OTOF: variants seen among roughly 807,000 people sequenced by gnomAD.
OTOF encodes otoferlin.
Under a neutral mutation model 236.8 loss-of-function variants are expected in OTOF, and 218 were observed. That is an observed-to-expected ratio of 0.92 (90% CI 0.82 to 1.03). The LOEUF (loss-of-function observed/expected upper bound fraction) is 1.03. Among genes scored for constraint, OTOF ranks in the 50% least tolerant of loss-of-function variants. The pLI is 0.00. For missense variants in OTOF, 2,590 were observed against 2,694.4 expected (o/e 0.96, Z 0.86); for synonymous variants, 1,041 against 1,072.5 (o/e 0.97, Z 0.57).
At chr2:26,485,938 C>T (rs113977604) in intron 11 of OTOF, among the ~76,000 whole-genome samples, 49 of 152,336 alleles carry the variant, frequency 3.2e-4, no homozygotes, top group African/African-American at 1.2e-3. Flanking sequence ...AGGGAGGGGC[C>T]ATGTCCCAGG....
chr2:26,466,786 G>A lies in OTOF; in HGVS notation c.4428C>T (p.Ser1476=), dbSNP rs1003565620. ...GGATGCCCTGGAACATGCCGTAGGT[G>A]GAGTCGTAGCCGGCTTCCCGGGACA... ...EDVSREAGYD[S]TYGMFQGIPS... is the part of the protein sequence containing the mutation. Residue 1476 remains serine, a synonymous_variant, in exon 36 of 47, where the codon TCC becomes TCT. Transcript: ENST00000272371. 6.2e-7 allele frequency: 1 copy of A among 1,614,116 alleles called. No homozygotes were observed. Among genetic ancestry groups the A allele is most frequent in the Non-Finnish European group, 8.5e-7 (1 of 1,180,042 alleles).
At position 26,526,417 on chromosome 2, in the gene OTOF, G is replaced by A. The variant is rs1351914142; in HGVS notation, c.227+1415C>T. Among the ~76,000 whole-genome samples the A allele has an allele frequency of 3.9e-5, 6 of 152,128 alleles. No homozygotes were observed. In the South Asian group the frequency reaches 6.2e-4, roughly 16 times the overall value. ...TGAAAGGATGGAAGGATGGATGAAA[G>A]AAAGGAAGGGTGGATAAATCAATTG... On this transcript the variant is annotated intron_variant, in intron 3 of 46. Coordinates refer to ENST00000272371, the MANE Select transcript of OTOF (RefSeq NM_194248.3).
At chr2:26,537,684 G>T in intron 2 of OTOF, 32 bp downstream of exon 2, 1 of 1,524,976 alleles carries the variant, frequency 6.6e-7, no homozygotes, top group South Asian at 1.2e-5. Context: ...TGGGCTCAGG[G>T]CTGAGGGAGG....
At chr2:26,490,754 C>T (rs1665820739) in intron 9 of OTOF, among the ~76,000 whole-genome samples, 1 of 152,120 alleles carries the variant, frequency 6.6e-6, no homozygotes, top group African/African-American at 2.4e-5. Context: ...AGATATGATC[C>T]AGGGCTGTCG....
rs749027855 is a variant in OTOF, at chr2:26,460,639, G to A, written c.5813+8C>T. ...AGTGGGGAGGGGCTGGGCCGGCAGG[G>A]CACTCACTTGGGTTTCTCTAGGGGG... is the stretch of plus-strand genomic sequence containing the variant. On this transcript the variant is annotated splice_region_variant and intron_variant, in intron 45 of 46. Transcript: ENST00000272371. This position sits in a 1 kb window ranked among gnomAD's most constrained non-coding sequence, Gnocchi z 5.3. 1 of 1,609,070 alleles carries A rather than the reference G, an allele frequency of 6.2e-7. No individual in the cohort carries two copies.
chr2:26,484,498 T>G lies in OTOF; in HGVS notation c.1181A>C (p.Glu394Ala), dbSNP rs763126270. The change falls in exon 12 of 47, where the codon GAG becomes GCG. Residue 394 changes from glutamate to alanine, a missense_variant. This residue lies in a region of OTOF where 1,379 missense variants were observed against 1,341.6 expected (regional missense o/e 1.03). Transcript: ENST00000272371. ...CCCCTCAATGTCATCTTCGTCGGTC[T>G]CATTGGCCTTGTGGGGCGTCTTGAT... The part of the protein sequence containing the change: ...DNIKTPHKAN[E>A]TDEDDIEGNL... 6.2e-7 allele frequency: 1 copy of G among 1,614,044 alleles called. No homozygotes were observed. The highest frequency in any genetic ancestry group is 1.1e-5 in the South Asian group (1 of 91,086).
At position 26,489,278 on chromosome 2, in the gene OTOF, G is replaced by T; in HGVS notation, c.978C>A (p.Asn326Lys). ...IIKISVIHSK[N>K]LLRSGTLVGS... ...CCACCAGGGTGCCACTGCGCAGCAG[G>T]TTCTTGGAGTGAATCACCTTTCAGG... The change falls in exon 11 of 47, where the codon AAC becomes AAA. Residue 326 changes from asparagine to lysine, a missense_variant. Asn to Lys is a moderately conservative substitution (Grantham distance 94). Coordinates refer to ENST00000272371, the MANE Select transcript of OTOF (RefSeq NM_194248.3). The T allele has an allele frequency of 6.2e-7, 1 of 1,612,690 alleles. No individual in the cohort carries two copies. Among genetic ancestry groups the T allele is most frequent in the Non-Finnish European group, 8.5e-7 (1 of 1,179,650 alleles).
At chr2:26,557,319 C>T (rs921031512) in intron 1 of OTOF, among the ~76,000 whole-genome samples, 4 of 152,180 alleles carry the variant, frequency 2.6e-5, no homozygotes, top group African/African-American at 9.7e-5. Context: ...CGTCCCCATC[C>T]CACTCTCAGA....
intron 3 of OTOF, among the ~76,000 whole-genome samples, chr2:26,520,160 A>G (rs749852472): frequency 6.6e-6 from 1 of 152,182 alleles, no homozygotes; most frequent in African/African-American, 2.4e-5. Flanking sequence ...CATAGAGTGG[A>G]TTAGAATACA....
At chr2:26,475,039 G>A (rs1273635784) in intron 25 of OTOF, among the ~76,000 whole-genome samples, 1 of 152,126 alleles carries the variant, frequency 6.6e-6, no homozygotes, top group Non-Finnish European at 1.5e-5. Context: ...GTTACTGGTT[G>A]TGGTAGGTGA....
Position 26,479,640 on chromosome 2 carries a change from G to T in OTOF, c.1926C>A (p.Asn642Lys). 6.2e-7 allele frequency: 1 copy of T among 1,612,484 alleles called. No individual in the cohort carries two copies. Residue 642 changes from asparagine to lysine, a missense_variant, in exon 17 of 47, where the codon AAC becomes AAA. This residue lies in a region of OTOF where 1,379 missense variants were observed against 1,341.6 expected (regional missense o/e 1.03). Coordinates refer to ENST00000272371, the MANE Select transcript of OTOF (RefSeq NM_194248.3). ...TFEVTIGNYGNEVDGLSRPQR... is the reference protein window; with the variant it reads ...TFEVTIGNYGKEVDGLSRPQR... The stretch of plus-strand genomic sequence containing the variant: ...GGGGCCGGGACAGGCCATCAACTTC[G>T]TTCCCATAGTTGCCTGGAGCAGAAT...
intron 2 of OTOF, among the ~76,000 whole-genome samples, chr2:26,530,335 G>A (rs183330226): frequency 1.3e-3 from 201 of 152,240 alleles, no homozygotes; most frequent in African/African-American, 4.6e-3. Context: ...GGGACAGGGA[G>A]GGCACAGGAG....
rs1665398697 is a variant in OTOF, at chr2:26,477,877, T to A, written c.2215-128A>T. 6.5e-7 allele frequency: 1 copy of A among 1,548,658 alleles called. No homozygotes were observed. The highest frequency in any genetic ancestry group is 8.7e-7 in the Non-Finnish European group (1 of 1,145,654). On this transcript the variant is annotated intron_variant, in intron 18 of 46. Transcript: ENST00000272371. The surrounding 1 kb of genome is among the most constrained non-coding windows in gnomAD (Gnocchi z 4.7). Reference sequence around the variant, plus strand: ...CTGGGAGCTCTCGCTAGGGCCATCCTGAGTATCGGTCATCATGAGGAAGTC... The same window carrying A: ...CTGGGAGCTCTCGCTAGGGCCATCCAGAGTATCGGTCATCATGAGGAAGTC...
rs1035905937 is a variant in OTOF at position 26,473,660 on chromosome 2, G to A, written c.3409-93C>T. 3.9e-6 allele frequency: 5 copies of A among 1,298,434 alleles called. No individual in the cohort carries two copies. The African/African-American group carries it at 7.3e-5, about 19-fold the overall frequency. The allele number at this position is 1,298,434 out of a possible 1,614,324, so 80.4% of individuals were successfully genotyped here. A position where few individuals can be genotyped will look rare whatever the true frequency, so the allele number is the denominator to read the frequency against. On this transcript the variant is annotated intron_variant, in intron 27 of 46. Transcript: ENST00000272371. This position sits in a 1 kb window ranked among gnomAD's most constrained non-coding sequence, Gnocchi z 7.2. ...GCTGGACCATCCAATAGGGAACCGG[G>A]CAGTGGGATGGGCAGTAGTTCACCC...
Position 26,505,740 on chromosome 2 carries a change from G to A in OTOF, c.510-1895C>T, listed in dbSNP as rs772717104. ...ATGCCGTAGGACTGCACTTTTCTGTGGGCAAGAATCCCATCCATTCCTGAC... is the reference window on the plus strand; with the variant it reads ...ATGCCGTAGGACTGCACTTTTCTGTAGGCAAGAATCCCATCCATTCCTGAC... On this transcript the variant is annotated intron_variant, in intron 5 of 46. Coordinates refer to ENST00000272371, the MANE Select transcript of OTOF (RefSeq NM_194248.3). Among the ~76,000 whole-genome samples the A allele has an allele frequency of 2.3e-4, 35 of 152,292 alleles. 1 individual carries two copies. Among genetic ancestry groups the A allele is most frequent in the African/African-American group, 7.2e-4 (30 of 41,576 alleles).
At chr2:26,527,470 C>T (rs373661325) in intron 3 of OTOF, among the ~76,000 whole-genome samples, 163 of 152,322 alleles carry the variant, frequency 1.1e-3, no homozygotes, top group African/African-American at 3.8e-3. Flanking sequence ...AGATCATCAG[C>T]CCCTCCACCT....
At chr2:26,464,414 T>C (rs1358147528) in intron 39 of OTOF, among the ~76,000 whole-genome samples, 1 of 151,806 alleles carries the variant, frequency 6.6e-6, no homozygotes, top group Non-Finnish European at 1.5e-5. Context: ...CACCTGAAAG[T>C]GATCAGATAC....
At position 26,477,527 on chromosome 2, in the gene OTOF, G is replaced by T; in HGVS notation, c.2316-21C>A. On this transcript the variant is annotated intron_variant, in intron 19 of 46. Coordinates refer to ENST00000272371, the MANE Select transcript of OTOF (RefSeq NM_194248.3). The surrounding 1 kb of genome is among the most constrained non-coding windows in gnomAD (Gnocchi z 4.7). ...AGCGGCTGGGGGTAGGGCGAGCCGG[G>T]GTTTAGCGAGCCTGACCAGCAGGGG... The T allele has an allele frequency of 1.3e-6, 2 of 1,597,080 alleles. No homozygotes were observed. The highest frequency in any genetic ancestry group is 1.7e-6 in the Non-Finnish European group (2 of 1,171,468).
At chr2:26,551,230 T>TC (rs1335453557) in intron 1 of OTOF, among the ~76,000 whole-genome samples, 1 of 151,970 alleles carries the variant, frequency 6.6e-6, no homozygotes, top group Admixed American at 6.6e-5. Context: ...CCTCAAATGA[T>TC]CCCCCCCGCC....
Sources: gnomAD v4.1 joint callset for allele counts (sites outside exome capture counted in the v4.1 genomes callset) on GRCh38, gnomAD v4.1.1 for gene constraint, gnomAD v4.1.1 regional missense constraint, Gnocchi (gnomAD v3.1) non-coding constraint, MANE v1.5 for transcripts, NCBI Gene and HGNC (gene_info 2026-07-23, HGNC 2026-07-21) for gene names.